Variants in CDKAL1 observed in about 807,000 individuals in gnomAD.
The protein encoded by CDKAL1 is CDKAL1 threonylcarbamoyladenosine tRNA methylthiotransferase.
A neutral mutation model predicts 68.2 loss-of-function variants in CDKAL1; 32 were observed. That is an observed-to-expected ratio of 0.47 (90% CI 0.35 to 0.63). CDKAL1 has a LOEUF of 0.63. CDKAL1 is among the 30% of genes least tolerant of loss of function. The probability of loss-of-function intolerance (pLI) is 0.00; values close to 1 mark genes in which losing one functional copy is unlikely to be tolerated. For synonymous variants in CDKAL1, 234 were observed against 244.3 expected (o/e 0.96, Z 0.39); for missense variants, 606 against 696.7 (o/e 0.87, Z 1.47).
intron 9 of CDKAL1, among the ~76,000 whole-genome samples, chr6:20,875,727 A>G (rs1245066555): frequency 6.6e-6 from 1 of 152,250 alleles, no homozygotes; most frequent in African/African-American, 2.4e-5. Context: ...ACAATTTATT[A>G]ATTTATTAGT....
chr6:20,623,854 T>C (rs1194317130), intron 4 of CDKAL1, among the ~76,000 whole-genome samples: 2 of 152,118 alleles, frequency 1.3e-5, no homozygotes, highest in Non-Finnish European at 2.9e-5. Flanking sequence ...TTGGCTTACT[T>C]AAGCCCAGGT....
chr6:21,114,993 T>C (rs778845757), intron 13 of CDKAL1, among the ~76,000 whole-genome samples: 1 of 152,174 alleles, frequency 6.6e-6, no homozygotes, highest in African/African-American at 2.4e-5. Context: ...ATGTAAAATA[T>C]TTTCTACAGC....
chr6:20,822,206 A>G (rs1281972356), intron 8 of CDKAL1, among the ~76,000 whole-genome samples: 1 of 152,218 alleles, frequency 6.6e-6, no homozygotes, highest in African/African-American at 2.4e-5. Flanking sequence ...TATATTTTGC[A>G]GTATAGATCA....
intron 4 of CDKAL1, among the ~76,000 whole-genome samples, chr6:20,599,920 A>G (rs764937182): frequency 9.9e-5 from 15 of 152,158 alleles, no homozygotes; most frequent in Non-Finnish European, 2.2e-4. Context: ...CTGTAGTATC[A>G]TGTCAGAATG....
In CDKAL1 at chr6:21,011,277, G is replaced by A. The variant is rs532903987; in HGVS notation, c.1055+10905G>A. On this transcript the variant is annotated intron_variant, in intron 11 of 15. Coordinates refer to ENST00000274695, the MANE Select transcript of CDKAL1 (RefSeq NM_017774.3). ...CGGGCACCTGTAGTCCCAGCTACTC[G>A]GGAGGCTGATGCAGGAGAATGGTGT... is the stretch of plus-strand genomic sequence containing the variant. Among the ~76,000 whole-genome samples, 6 of 151,572 alleles carry A rather than the reference G, an allele frequency of 4.0e-5. No individual in the cohort carries two copies. The East Asian group carries it at 7.7e-4, about 20-fold the overall frequency.
At chr6:20,787,160 T>C (rs547521323) in intron 8 of CDKAL1, among the ~76,000 whole-genome samples, 38 of 152,314 alleles carry the variant, frequency 2.5e-4, no homozygotes, top group African/African-American at 7.0e-4. Context: ...TATCTTGTCT[T>C]TCTTGTTATT....
intron 7 of CDKAL1, among the ~76,000 whole-genome samples, chr6:20,771,331 G>A (rs1013408065): frequency 2.6e-5 from 4 of 152,170 alleles, no homozygotes; most frequent in African/African-American, 9.7e-5. Flanking sequence ...TGAATTTGAA[G>A]CAAAGTGAGC....
chr6:20,589,962 G>C (rs887743077), intron 4 of CDKAL1, among the ~76,000 whole-genome samples: 1 of 152,134 alleles, frequency 6.6e-6, no homozygotes, highest in African/African-American at 2.4e-5. Flanking sequence ...TGAGAAAGCT[G>C]TTCCATCTCT....
At chr6:20,657,344 C>A (rs973960683) in intron 5 of CDKAL1, among the ~76,000 whole-genome samples, 1 of 152,170 alleles carries the variant, frequency 6.6e-6, no homozygotes, top group Non-Finnish European at 1.5e-5. Context: ...ATCCTTTATA[C>A]CCAAATGTAA....
chr6:20,621,595 A>G (rs770378319), intron 4 of CDKAL1, among the ~76,000 whole-genome samples: 2 of 152,042 alleles, frequency 1.3e-5, no homozygotes, highest in Non-Finnish European at 2.9e-5. Flanking sequence ...GCATTTATTA[A>G]TTTATTCAAT....
intron 12 of CDKAL1, among the ~76,000 whole-genome samples, chr6:21,087,714 A>G (rs886503048): frequency 1.3e-5 from 2 of 152,140 alleles, no homozygotes; most frequent in African/African-American, 4.8e-5. Context: ...GGTTCTTAAC[A>G]TTTTTTGAGA....
chr6:20,622,543 A>G (rs542643864), intron 4 of CDKAL1, among the ~76,000 whole-genome samples: 6 of 152,156 alleles, frequency 3.9e-5, no homozygotes, highest in Non-Finnish European at 7.4e-5. Flanking sequence ...TCTAGATGAC[A>G]GTGTTCAAAA....
At chr6:20,587,240 G>C (rs1765408801) in intron 4 of CDKAL1, among the ~76,000 whole-genome samples, 1 of 151,968 alleles carries the variant, frequency 6.6e-6, no homozygotes, top group African/African-American at 2.4e-5. Flanking sequence ...ACCTGCCGCA[G>C]CCTCCCAAAG....
At chr6:21,015,998 T>C (rs1047070090) in intron 11 of CDKAL1, among the ~76,000 whole-genome samples, 5 of 149,812 alleles carry the variant, frequency 3.3e-5, no homozygotes, top group Admixed American at 3.3e-4. Flanking sequence ...TTTTGGAGAG[T>C]GTTTTTCTAC....
At chr6:20,693,356 T>C (rs1024082934) in intron 5 of CDKAL1, among the ~76,000 whole-genome samples, 1 of 152,236 alleles carries the variant, frequency 6.6e-6, no homozygotes, top group Non-Finnish European at 1.5e-5. Context: ...TAACCATTTC[T>C]GATAATTTGC....
chr6:21,217,819 C>T (rs973432579), intron 15 of CDKAL1, among the ~76,000 whole-genome samples: 12 of 152,066 alleles, frequency 7.9e-5, no homozygotes, highest in South Asian at 6.2e-4. Context: ...GACGGGAACT[C>T]GCTGTGTTGC....
intron 15 of CDKAL1, among the ~76,000 whole-genome samples, chr6:21,206,053 T>A (rs142699418): frequency 1.4e-5 from 2 of 139,366 alleles, no homozygotes; most frequent in African/African-American, 5.2e-5. Flanking sequence ...CCATGGTCTC[T>A]ATCTCCTGAC....
intron 10 of CDKAL1, among the ~76,000 whole-genome samples, chr6:20,988,180 A>ATGTGCGTGTGTGTG (rs1491171083): frequency 2.9e-5 from 1 of 34,298 alleles, no homozygotes; most frequent in African/African-American, 7.9e-5. Context: ...AAGAAACATA[A>ATGTGCGTGTGTGTG]TATGTGTGTG....
chr6:20,814,923 C>G (rs1776981390), intron 8 of CDKAL1, among the ~76,000 whole-genome samples: 1 of 152,132 alleles, frequency 6.6e-6, no homozygotes, highest in African/African-American at 2.4e-5. Context: ...GGCTGCCATG[C>G]TTTCTTGGGG....
Sources: allele counts gnomAD v4.1 joint callset (sites outside exome capture counted in the v4.1 genomes callset), GRCh38; gene constraint gnomAD v4.1.1; transcripts MANE v1.5; gene names NCBI Gene and HGNC (gene_info 2026-07-23, HGNC 2026-07-21).